Variants in UNC5B observed in about 807,000 individuals in gnomAD.
The protein encoded by UNC5B is unc-5 netrin receptor B, also known as netrin receptor UNC5B.
UNC5B carries 56 observed loss-of-function variants against 103.7 expected under a neutral mutation model. That is an observed-to-expected ratio of 0.54 (90% CI 0.44 to 0.67). UNC5B has a LOEUF of 0.67. UNC5B is among the 30% of genes least tolerant of loss of function. The pLI is 0.00. For missense variants in UNC5B, 1,194 were observed against 1,284.5 expected (o/e 0.93, Z 1.08); for synonymous variants, 577 against 542.0 (o/e 1.06, Z -0.90).
At chr10:71,220,545 C>T (rs913233007) in intron 1 of UNC5B, among the ~76,000 whole-genome samples, 4 of 152,200 alleles carry the variant, frequency 2.6e-5, no homozygotes, top group African/African-American at 4.8e-5. Context: ...GAGGTTAACA[C>T]GGCCTCCCAG....
In UNC5B at chr10:71,299,415, C is replaced by T. The variant is rs1368454405; in HGVS notation, c.*138C>T. Reference sequence around the variant, plus strand: ...AGTTGCCTCTCCTCCTCCTCTTCCCCAACCCCCAGACCATGACCAGCCTTA... The same window carrying T: ...AGTTGCCTCTCCTCCTCCTCTTCCCTAACCCCCAGACCATGACCAGCCTTA... On this transcript the variant is annotated 3_prime_UTR_variant, in exon 17 of 17. Coordinates refer to ENST00000335350, the MANE Select transcript of UNC5B (RefSeq NM_170744.5). 1.9e-5 allele frequency: 20 copies of T among 1,053,154 alleles called. No individual in the cohort carries two copies. In the Middle Eastern group the frequency reaches 9.5e-4, roughly 50 times the overall value. 65.2% of individuals were successfully genotyped at this position (1,053,154 alleles called of 1,614,324 possible). A position where few individuals can be genotyped will look rare whatever the true frequency, so the allele number is the denominator to read the frequency against.
intron 1 of UNC5B, among the ~76,000 whole-genome samples, chr10:71,262,667 G>T (rs1400393678): frequency 6.6e-6 from 1 of 152,204 alleles, no homozygotes; most frequent in African/African-American, 2.4e-5. Flanking sequence ...CCATCTTGCT[G>T]CTGGAAATAT....
chr10:71,245,639 A>G (rs1254377627), intron 1 of UNC5B, among the ~76,000 whole-genome samples: 1 of 152,196 alleles, frequency 6.6e-6, no homozygotes, highest in African/African-American at 2.4e-5. Flanking sequence ...ACTAGGTCCC[A>G]TGCCAGCCTC....
At chr10:71,269,262 T>A (rs1844590082) in intron 1 of UNC5B, among the ~76,000 whole-genome samples, 2 of 151,902 alleles carry the variant, frequency 1.3e-5, no homozygotes, top group South Asian at 4.2e-4. Context: ...CTAGATTGTT[T>A]ACAGTGAGGC....
rs1209079032 is a variant in UNC5B, at chr10:71,301,372, A to T, written c.*2095A>T. On this transcript the variant is annotated 3_prime_UTR_variant, in exon 17 of 17. Coordinates refer to ENST00000335350, the MANE Select transcript of UNC5B (RefSeq NM_170744.5). The stretch of plus-strand genomic sequence containing the variant: ...GACTTGCCTGGAGATTTGAGAGAAG[A>T]TTCCTTCTACCAGGGCTGCTGAGGG... The T allele has an allele frequency of 6.6e-6, 1 of 152,228 alleles. No homozygotes were observed. Among genetic ancestry groups the T allele is most frequent in the African/African-American group, 2.4e-5 (1 of 41,430 alleles). 9.4% of individuals were successfully genotyped at this position (152,228 alleles called of 1,614,324 possible).
At chr10:71,217,041 C>T (rs1843344996) in intron 1 of UNC5B, among the ~76,000 whole-genome samples, 1 of 152,192 alleles carries the variant, frequency 6.6e-6, no homozygotes. Flanking sequence ...GGAGCCTGGG[C>T]CCAGGGAAAC....
intron 1 of UNC5B, among the ~76,000 whole-genome samples, chr10:71,224,672 A>G (rs1564705565): frequency 6.6e-6 from 1 of 152,064 alleles, no homozygotes; most frequent in Non-Finnish European, 1.5e-5. Context: ...TCCTCACTAT[A>G]AACTGGGCCC....
In UNC5B at chr10:71,288,672, C is replaced by G; in HGVS notation, c.1006C>G (p.Arg336Gly). The change falls in exon 7 of 17, where the codon CGT (arginine) becomes GGT (glycine). Residue 336 changes from arginine to glycine, a missense_variant. By Grantham distance (125) the Arg-to-Gly change is moderately radical. Transcript: ENST00000335350. ...GGCGCCCCCACCCCAGAACGGAGGC[C>G]GTGACTGCAGCGGGACGCTGCTCGA... ...CMAPPPQNGG[R>G]DCSGTLLDSK... 1.2e-6 allele frequency: 2 copies of G among 1,613,412 alleles called. No homozygotes were observed. The highest frequency in any genetic ancestry group is 1.3e-5 in the African/African-American group (1 of 75,034).
At chr10:71,297,461 A>G (rs924264227) in intron 15 of UNC5B, among the ~76,000 whole-genome samples, 1 of 152,240 alleles carries the variant, frequency 6.6e-6, no homozygotes, top group Admixed American at 6.5e-5. Flanking sequence ...CAGGCCACCC[A>G]GGGTGACAAC....
chr10:71,289,059 C>T (rs920383334), intron 8 of UNC5B, 69 bp downstream of exon 8: 36 of 1,610,330 alleles, frequency 2.2e-5, no homozygotes, highest in African/African-American at 4.0e-5. Flanking sequence ...TGGCTTTTCC[C>T]GGGATCAGGG....
At chr10:71,224,366 C>CATAT (rs35326855) in intron 1 of UNC5B, among the ~76,000 whole-genome samples, 1 of 19,588 alleles carries the variant, frequency 5.1e-5, no homozygotes, top group African/African-American at 1.5e-4. Flanking sequence ...TGTATGTAGA[C>CATAT]ACACACACAC....
intron 2 of UNC5B, 25 bp from the exon 3 acceptor site, chr10:71,284,695 T>C: frequency 6.2e-7 from 1 of 1,612,056 alleles, no homozygotes; most frequent in East Asian, 2.2e-5. Context: ...CCCTGCCCCC[T>C]GACGGCTCTC....
At chr10:71,220,837 G>A (rs1057353765) in intron 1 of UNC5B, among the ~76,000 whole-genome samples, 17 of 152,176 alleles carry the variant, frequency 1.1e-4, no homozygotes, top group African/African-American at 3.1e-4. Context: ...AGTCTCAGCT[G>A]CTCCTGGCTG....
chr10:71,296,719 C>A lies in UNC5B; in HGVS notation c.2467C>A (p.Gln823Lys), dbSNP rs753907741. ...RQVEGEGQIF[Q>K]LHTTLAETPA... ...AGTGGAAGGGGAGGGCCAGATATTC[C>A]AGCTGCATACCACTCTGGCAGAGGT... Residue 823 changes from glutamine to lysine, a missense_variant, in exon 15 of 17, where the codon CAG (glutamine) becomes AAG (lysine). Physicochemically the swap from Gln to Lys is moderately conservative, Grantham distance 53 (BLOSUM62 1). Transcript: ENST00000335350. 4.3e-6 allele frequency: 7 copies of A among 1,610,320 alleles called. No individual in the cohort carries two copies. The highest frequency in any genetic ancestry group is 5.9e-6 in the Non-Finnish European group (7 of 1,178,378).
In UNC5B at chr10:71,300,740, G is replaced by T; in HGVS notation, c.*1463G>T. Reference sequence around the variant, plus strand: ...TCCCGGTGTCAGTCAGCTCTGCAACGTGGGAGCCTTGGAGGCGGGTGGCCT... The same window carrying T: ...TCCCGGTGTCAGTCAGCTCTGCAACTTGGGAGCCTTGGAGGCGGGTGGCCT... On this transcript the variant is annotated 3_prime_UTR_variant, in exon 17 of 17. Coordinates refer to ENST00000335350, the MANE Select transcript of UNC5B (RefSeq NM_170744.5). 6.6e-6 allele frequency: 1 copy of T among 152,458 alleles called. No homozygotes were observed. The allele number at this position is 152,458 out of a possible 1,614,324, so 9.4% of individuals were successfully genotyped here. A position where few individuals can be genotyped will look rare whatever the true frequency, so the allele number is the denominator to read the frequency against.
chr10:71,258,397 A>C (rs1844340897), intron 1 of UNC5B, among the ~76,000 whole-genome samples: 1 of 151,828 alleles, frequency 6.6e-6, no homozygotes, highest in Non-Finnish European at 1.5e-5. Context: ...AAATTGGGAG[A>C]CTCTGGGCTG....
Position 71,256,043 on chromosome 10 carries a change from C to A in UNC5B, c.80-23778C>A, listed in dbSNP as rs544071291. On this transcript the variant is annotated intron_variant, in intron 1 of 16. Coordinates refer to ENST00000335350, the MANE Select transcript of UNC5B (RefSeq NM_170744.5). ...TGTTCTCAGTGATCCTTCTGTGAAC[C>A]CTGTGAGATTGGTATGAGCACCCAT... Among the ~76,000 whole-genome samples the A allele has an allele frequency of 4.6e-5, 7 of 152,286 alleles. No individual in the cohort carries two copies. The South Asian group carries it at 1.4e-3, about 32-fold the overall frequency.
intron 1 of UNC5B, among the ~76,000 whole-genome samples, chr10:71,276,358 A>G (rs1844772073): frequency 6.6e-6 from 1 of 152,190 alleles, no homozygotes; most frequent in East Asian, 1.9e-4. Flanking sequence ...CAGCCTGGCC[A>G]TAGGTCGCTC....
intron 1 of UNC5B, among the ~76,000 whole-genome samples, chr10:71,253,721 G>A (rs548783896): frequency 6.6e-6 from 1 of 152,318 alleles, no homozygotes. Context: ...GGAGAGTTGG[G>A]TGGGGGTGTG....
Sources: allele counts gnomAD v4.1 joint callset (sites outside exome capture counted in the v4.1 genomes callset), GRCh38; gene constraint gnomAD v4.1.1; transcripts MANE v1.5; gene names NCBI Gene and HGNC (gene_info 2026-07-23, HGNC 2026-07-21).